The following HMCN1 variants were observed in gnomAD, a reference collection of about 807,000 sequenced individuals.
HMCN1 encodes the protein hemicentin 1, also known as hemicentin-1.
Under a neutral mutation model 625.9 loss-of-function variants are expected in HMCN1, and 321 were observed. The ratio of observed to expected loss-of-function variants is 0.51; its 90% CI spans 0.47 to 0.56. The LOEUF (loss-of-function observed/expected upper bound fraction) is 0.56, where lower values mean the gene tolerates loss of function less well. Ranked by LOEUF, HMCN1 falls within the 20% of genes least tolerant of loss-of-function variation. HMCN1 has a pLI of 0.00. For synonymous variants in HMCN1, 2,425 were observed against 2,417.6 expected (o/e 1.00, Z -0.09); for missense variants, 6,588 against 6,887.3 (o/e 0.96, Z 1.54).
chr1:186,104,019 GA>G (rs1322324139), intron 69 of HMCN1, among the ~76,000 whole-genome samples: 3 of 152,086 alleles, frequency 2.0e-5, no homozygotes, highest in Non-Finnish European at 4.4e-5. Flanking sequence ...AGGTTTCAAA[GA>G]GCACTTTTGA....
Position 185,835,331 on chromosome 1 carries a change from T to G in HMCN1, c.269-10695T>G, listed in dbSNP as rs117618584. Among the ~76,000 whole-genome samples the G allele has an allele frequency of 9.2e-5, 14 of 152,224 alleles. No homozygotes were observed. The East Asian group carries it at 2.3e-3, about 25-fold the overall frequency. On this transcript the variant is annotated intron_variant, in intron 1 of 106. Coordinates refer to ENST00000271588, the MANE Select transcript of HMCN1 (RefSeq NM_031935.3). ...CACAGAATGTCTCTTGTTTCTCTTCTGTAGTTTTTGGAAAGTTTTGGATAT... is the reference window on the plus strand; with the variant it reads ...CACAGAATGTCTCTTGTTTCTCTTCGGTAGTTTTTGGAAAGTTTTGGATAT...
chr1:185,995,026 T>C lies in HMCN1; in HGVS notation c.3717T>C (p.Tyr1239=). The C allele has an allele frequency of 6.2e-7, 1 of 1,613,740 alleles. No individual in the cohort carries two copies. The highest frequency in any genetic ancestry group is 1.7e-4 in the Middle Eastern group (1 of 6,060). ...DQATPSDAGI[Y]TCVATNIAGT... is the part of the protein sequence containing the mutation. ...CCACGCCCTCAGATGCTGGCATATA[T>C]ACATGTGTTGCTACTAACATAGCAG... Residue 1239 remains tyrosine, a synonymous_variant, in exon 24 of 107, where the codon TAT becomes TAC. Coordinates refer to ENST00000271588, the MANE Select transcript of HMCN1 (RefSeq NM_031935.3).
chr1:185,965,601 T>C (rs1650349126), intron 13 of HMCN1, among the ~76,000 whole-genome samples: 1 of 152,120 alleles, frequency 6.6e-6, no homozygotes, highest in Admixed American at 6.6e-5. Context: ...TTTTTCCTGA[T>C]ATCATTTCTT....
chr1:185,852,085 T>G (rs1016824880), intron 2 of HMCN1, among the ~76,000 whole-genome samples: 1 of 151,928 alleles, frequency 6.6e-6, no homozygotes, highest in African/African-American at 2.4e-5. Flanking sequence ...GGTTTAAACT[T>G]CGGCAGGTTA....
At chr1:186,048,619 T>A in intron 41 of HMCN1, 124 bp from the exon 42 acceptor site, 1 of 692,252 alleles carries the variant, frequency 1.4e-6, no homozygotes, top group South Asian at 1.6e-5. Flanking sequence ...ATTGCTATTT[T>A]GTCTATTTTT....
intron 11 of HMCN1, among the ~76,000 whole-genome samples, chr1:185,946,737 C>T (rs1353145618): frequency 6.6e-6 from 1 of 152,114 alleles, no homozygotes; most frequent in Non-Finnish European, 1.5e-5. Flanking sequence ...AAGTTCACGA[C>T]TTTTTTGTTA....
chr1:186,063,066 G>GTGTATATATATATATATATA (rs1491400415), intron 48 of HMCN1, among the ~76,000 whole-genome samples: 3 of 29,940 alleles, frequency 1.0e-4, no homozygotes, highest in African/African-American at 3.6e-4. Context: ...GTGTGTGTGT[G>GTGTATATATATATATATATA]CATATATATA....
intron 2 of HMCN1, among the ~76,000 whole-genome samples, chr1:185,857,546 T>C (rs1256795598): frequency 6.6e-6 from 1 of 152,012 alleles, no homozygotes; most frequent in African/African-American, 2.4e-5. Flanking sequence ...TTTATCATGT[T>C]GATTATTCAT....
chr1:185,984,022 CT>C, intron 18 of HMCN1, 146 bp from the exon 19 acceptor site: 1 of 633,506 alleles, frequency 1.6e-6, no homozygotes, highest in Non-Finnish European at 2.7e-6. Flanking sequence ...AACATTTATG[CT>C]CATCGTTCTT....
chr1:186,160,367 A>G (rs1391642939), intron 97 of HMCN1, among the ~76,000 whole-genome samples: 2 of 146,906 alleles, frequency 1.4e-5, no homozygotes, highest in Non-Finnish European at 3.0e-5. Context: ...CTTTCAAAAA[A>G]CCAGCTCCTG....
chr1:185,925,667 G>A (rs570424817), intron 9 of HMCN1, among the ~76,000 whole-genome samples: 3 of 150,964 alleles, frequency 2.0e-5, no homozygotes, highest in South Asian at 2.1e-4. Context: ...GAATAATGCC[G>A]GTAGGTGGAG....
In HMCN1 at chr1:186,123,231, T is replaced by C; in HGVS notation, c.12499+11T>C. On this transcript the variant is annotated intron_variant, in intron 81 of 106. Coordinates refer to ENST00000271588, the MANE Select transcript of HMCN1 (RefSeq NM_031935.3). ...AGCTCACCGTCCATGGTAGGTTGTT[T>C]AACATGAATTATTTTAGTCTGCTGC... 2 of 1,610,818 alleles carry C rather than the reference T, an allele frequency of 1.2e-6. No homozygotes were observed. The highest frequency in any genetic ancestry group is 1.7e-6 in the Non-Finnish European group (2 of 1,178,286).
chr1:185,812,565 C>T (rs1350168287), intron 1 of HMCN1, among the ~76,000 whole-genome samples: 1 of 152,140 alleles, frequency 6.6e-6, no homozygotes, highest in Non-Finnish European at 1.5e-5. Flanking sequence ...ATCTGCTTCA[C>T]ATGTACAAAG....
chr1:185,887,176 TAGTA>T (rs758403231), intron 4 of HMCN1, among the ~76,000 whole-genome samples: 7 of 152,166 alleles, frequency 4.6e-5, no homozygotes, highest in East Asian at 1.9e-4. Context: ...TCTGACTTCC[TAGTA>T]AGTAAGTCTG....
At position 186,187,036 on chromosome 1, in the gene HMCN1, ACG is replaced by A. The variant is rs1491459378; in HGVS notation, c.16415-845_16415-844del. ...CACACACACACACACACACACACAC[ACG>A]CATGCAAACATTTTCATTCACAGAT... On this transcript the variant is annotated intron_variant, in intron 105 of 106. Transcript: ENST00000271588. Among the ~76,000 whole-genome samples the A allele has an allele frequency of 2.7e-5, 4 of 150,180 alleles. No homozygotes were observed. The East Asian group carries it at 7.8e-4, about 29-fold the overall frequency.
intron 1 of HMCN1, among the ~76,000 whole-genome samples, chr1:185,790,792 T>C (rs1376492603): frequency 6.6e-6 from 1 of 152,226 alleles, no homozygotes; most frequent in East Asian, 1.9e-4. Flanking sequence ...GATACTGCCC[T>C]GGGTTGAGAG....
chr1:186,090,736 A>G (rs755011092), intron 63 of HMCN1, 22 bp from the exon 64 acceptor site: 6 of 1,611,558 alleles, frequency 3.7e-6, no homozygotes, highest in Non-Finnish European at 5.1e-6. Context: ...TGTTAATGAA[A>G]TTCCTAATTA....
intron 36 of HMCN1, among the ~76,000 whole-genome samples, chr1:186,032,117 T>C (rs1319631144): frequency 6.8e-6 from 1 of 147,218 alleles, no homozygotes; most frequent in African/African-American, 2.5e-5. Context: ...ATCAGCAGAG[T>C]TAACAGACAA....
rs931578620 is a variant in HMCN1, at chr1:185,861,471, A to G, written c.340-2999A>G. 3.3e-5 allele frequency among the ~76,000 whole-genome samples: 5 copies of G among 152,338 alleles called. No individual in the cohort carries two copies. In the East Asian group the frequency reaches 7.7e-4, roughly 24 times the overall value. ...TATTGTGGTTCACACTCAGGTGCACAGTGTCATGCGCAGTTGAGGAATGTT... is the reference window on the plus strand; with the variant it reads ...TATTGTGGTTCACACTCAGGTGCACGGTGTCATGCGCAGTTGAGGAATGTT... On this transcript the variant is annotated intron_variant, in intron 2 of 106. Coordinates refer to ENST00000271588, the MANE Select transcript of HMCN1 (RefSeq NM_031935.3).
Sources: gnomAD v4.1 joint callset for allele counts (sites outside exome capture counted in the v4.1 genomes callset) on GRCh38, gnomAD v4.1.1 for gene constraint, MANE v1.5 for transcripts, NCBI Gene and HGNC (gene_info 2026-07-23, HGNC 2026-07-21) for gene names.